The following ADCY10 variants were observed in gnomAD, a reference collection of about 807,000 sequenced individuals.
ADCY10 encodes the protein adenylate cyclase type 10.
Under a neutral mutation model 183.3 loss-of-function variants are expected in ADCY10, and 156 were observed. The ratio of observed to expected loss-of-function variants is 0.85; its 90% CI spans 0.75 to 0.97. The LOEUF (loss-of-function observed/expected upper bound fraction) is 0.97. ADCY10 is among the 50% of genes least tolerant of loss of function. The pLI is 0.00. For synonymous variants in ADCY10, 645 were observed against 670.0 expected (o/e 0.96, Z 0.58); for missense variants, 1,745 against 1,934.3 (o/e 0.90, Z 1.84).
At chr1:167,836,607 A>C in intron 22 of ADCY10, 67 bp from the exon 23 acceptor site, 1 of 1,197,872 alleles carries the variant, frequency 8.3e-7, no homozygotes, top group Admixed American at 1.7e-5. Context: ...AAATATCTTT[A>C]GGCCAGACGC....
chr1:167,848,638 T>A, intron 18 of ADCY10, 149 bp from the exon 19 acceptor site: 3 of 864,018 alleles, frequency 3.5e-6, no homozygotes, highest in Non-Finnish European at 5.3e-6. Flanking sequence ...ACCTTTTTTT[T>A]GTTTTGTTTT....
chr1:167,856,020 A>T (rs1180100095), intron 17 of ADCY10, 145 bp downstream of exon 17: 1 of 924,686 alleles, frequency 1.1e-6, no homozygotes, highest in African/African-American at 1.7e-5. Flanking sequence ...AACAGAAAAA[A>T]AGAAAAGAAA....
Position 167,899,404 on chromosome 1 carries a change from G to A in ADCY10, c.642+19C>T. The A allele has an allele frequency of 1.2e-6, 2 of 1,613,244 alleles. No individual in the cohort carries two copies. Among genetic ancestry groups the A allele is most frequent in the Non-Finnish European group, 1.7e-6 (2 of 1,179,174 alleles). ...TACAGGCTGGCAGAACTTTCTGTAA[G>A]TAGCAGCATCACACCCACCTTAACT... On this transcript the variant is annotated intron_variant, in intron 6 of 32. Transcript: ENST00000367851.
At chr1:167,874,661 G>T (rs1409197956) in intron 13 of ADCY10, among the ~76,000 whole-genome samples, 1 of 152,124 alleles carries the variant, frequency 6.6e-6, no homozygotes, top group Non-Finnish European at 1.5e-5. Flanking sequence ...AAAGACTTGT[G>T]TAAGAATGTT....
At chr1:167,853,461 C>T (rs1046746741) in intron 18 of ADCY10, among the ~76,000 whole-genome samples, 6 of 152,210 alleles carry the variant, frequency 3.9e-5, no homozygotes, top group Non-Finnish European at 7.4e-5. Flanking sequence ...CTCACATGTT[C>T]AAGACTTAGA....
At position 167,818,175 on chromosome 1, in the gene ADCY10, TAGTA is replaced by T. The variant is rs770993409; in HGVS notation, c.4375_4378del (p.Tyr1459MetfsTer57). 6 of 1,614,104 alleles carry T rather than the reference TAGTA, an allele frequency of 3.7e-6. No individual in the cohort carries two copies. The highest frequency in any genetic ancestry group is 2.2e-5 in the East Asian group (1 of 44,900). Reference sequence around the variant, plus strand: ...CTCCATGTACCTAGATATTCCGTCATAGTAAGTAAGTGTCATGGTTCTTCTTGGC... The same window carrying T: ...CTCCATGTACCTAGATATTCCGTCATAGTAAGTGTCATGGTTCTTCTTGGC... On this transcript the variant is annotated frameshift_variant, in exon 31 of 33. Coordinates refer to ENST00000367851, the MANE Select transcript of ADCY10 (RefSeq NM_018417.6). LOFTEE classifies it high-confidence loss of function.
At chr1:167,860,040 G>A (rs954078960) in intron 15 of ADCY10, 147 bp from the exon 16 acceptor site, 2 of 687,284 alleles carry the variant, frequency 2.9e-6, no homozygotes, top group African/African-American at 3.6e-5. Context: ...TGGCACCAGG[G>A]ACTAGTTTTG....
chr1:167,817,473 C>A lies in ADCY10; in HGVS notation c.4482+599G>T, dbSNP rs147629796. Among the ~76,000 whole-genome samples the A allele has an allele frequency of 5.2e-4, 79 of 152,308 alleles. No homozygotes were observed. The East Asian group carries it at 0.012, about 24-fold the overall frequency. On this transcript the variant is annotated intron_variant, in intron 31 of 32. Transcript: ENST00000367851. ...TACAAGAACAAGGCAAACGTGTCAACCCAACACCAGAGATTTAGCCCTTTA... is the reference window on the plus strand; with the variant it reads ...TACAAGAACAAGGCAAACGTGTCAAACCAACACCAGAGATTTAGCCCTTTA...
Position 167,880,544 on chromosome 1 carries a change from A to G in ADCY10, c.1086T>C (p.Ala362=), listed in dbSNP as rs766273294. 3.1e-6 allele frequency: 5 copies of G among 1,614,070 alleles called. No homozygotes were observed. Among genetic ancestry groups the G allele is most frequent in the Non-Finnish European group, 4.2e-6 (5 of 1,180,042 alleles). Residue 362 remains alanine, a synonymous_variant, in exon 10 of 33, where the codon GCT becomes GCC. Transcript: ENST00000367851. The part of the protein sequence containing the change: ...GEKVPDELTH[A]LECAMDIFDF... ...CAAATATATCCATAGCACATTCCAGAGCATGAGTGAGCTCGTCAGGTACCT... is the reference window on the plus strand; with the variant it reads ...CAAATATATCCATAGCACATTCCAGGGCATGAGTGAGCTCGTCAGGTACCT...
At chr1:167,876,646 A>G (rs533363237) in intron 12 of ADCY10, among the ~76,000 whole-genome samples, 1 of 152,228 alleles carries the variant, frequency 6.6e-6, no homozygotes, top group Admixed American at 6.5e-5. Context: ...CAGAGGTGGT[A>G]CAGAAAAATC....
At position 167,901,798 on chromosome 1, in the gene ADCY10, T is replaced by C. The variant is rs1346088914; in HGVS notation, c.300A>G (p.Ala100=). ...GGDILKFAGD[A]LLALWRVERK... ...GCTCCACCCTCCACAGGGCTAGCAGTGCATCACCTTCAGAGAGAGACATGC... is the reference window on the plus strand; with the variant it reads ...GCTCCACCCTCCACAGGGCTAGCAGCGCATCACCTTCAGAGAGAGACATGC... The change falls in exon 5 of 33, where the codon GCA becomes GCG. Residue 100 remains alanine (A), a synonymous_variant. Coordinates refer to ENST00000367851, the MANE Select transcript of ADCY10 (RefSeq NM_018417.6). 1.7e-5 allele frequency: 28 copies of C among 1,614,204 alleles called. No homozygotes were observed. The highest frequency in any genetic ancestry group is 2.3e-5 in the Non-Finnish European group (27 of 1,180,038).
At chr1:167,840,715 A>C (rs1262772944) in intron 21 of ADCY10, among the ~76,000 whole-genome samples, 1 of 151,150 alleles carries the variant, frequency 6.6e-6, no homozygotes, top group Non-Finnish European at 1.5e-5. Context: ...TTATATTAAG[A>C]GTTTCCTACT....
At chr1:167,840,367 A>ATTTTT (rs546653110) in intron 21 of ADCY10, among the ~76,000 whole-genome samples, 7 of 147,466 alleles carry the variant, frequency 4.7e-5, no homozygotes, top group Non-Finnish European at 1.5e-5. Flanking sequence ...TATTATTACT[A>ATTTTT]TTTTTTTTGG....
At chr1:167,868,711 C>G (rs1393305703) in intron 14 of ADCY10, among the ~76,000 whole-genome samples, 1 of 152,216 alleles carries the variant, frequency 6.6e-6, no homozygotes, top group Non-Finnish European at 1.5e-5. Context: ...GCTTCCCTGT[C>G]TATGCTTTCC....
chr1:167,878,655 G>T lies in ADCY10; in HGVS notation c.1217-20C>A. On this transcript the variant is annotated intron_variant, in intron 11 of 32. Transcript: ENST00000367851. ...CAATGACTATAGCAAGAAAGAGAAA[G>T]TCAAAGATCAGGGAAATAACAGGCA... 1 of 1,610,896 alleles carries T rather than the reference G, an allele frequency of 6.2e-7. No homozygotes were observed. The highest frequency in any genetic ancestry group is 1.1e-5 in the South Asian group (1 of 90,968).
intron 18 of ADCY10, among the ~76,000 whole-genome samples, chr1:167,853,758 G>A (rs1230464869): frequency 6.7e-6 from 1 of 149,316 alleles, no homozygotes; most frequent in African/African-American, 2.5e-5. Context: ...GCTTTTTGAA[G>A]ATAACATCAA....
chr1:167,816,913 C>T (rs1312831158), intron 31 of ADCY10, among the ~76,000 whole-genome samples: 4 of 152,158 alleles, frequency 2.6e-5, no homozygotes, highest in Non-Finnish European at 4.4e-5. Flanking sequence ...TAAAAATTTT[C>T]CTTTTCTTAT....
In ADCY10 at chr1:167,823,883, C is replaced by T. The variant is rs536767274; in HGVS notation, c.4052+593G>A. ...GTTGCTATTCTCTGGCCATTTGCCT[C>T]CCTGGAAGACTTTTCCCTTTGTCTC... On this transcript the variant is annotated intron_variant, in intron 28 of 32. Transcript: ENST00000367851. Among the ~76,000 whole-genome samples, 120 of 152,292 alleles carry T rather than the reference C, an allele frequency of 7.9e-4. 1 individual carries two copies. The Middle Eastern group carries it at 0.014, about 17-fold the overall frequency.
intron 13 of ADCY10, among the ~76,000 whole-genome samples, chr1:167,872,940 T>C (rs558338354): frequency 6.6e-6 from 1 of 151,444 alleles, no homozygotes; most frequent in Non-Finnish European, 1.5e-5. Context: ...TGTGGTGGTG[T>C]GCACCTGTAA....
Sources: gnomAD v4.1 joint callset for allele counts (sites outside exome capture counted in the v4.1 genomes callset) on GRCh38, gnomAD v4.1.1 for gene constraint, MANE v1.5 for transcripts, NCBI Gene and HGNC (gene_info 2026-07-23, HGNC 2026-07-21) for gene names.